CLIC5: variants seen among roughly 807,000 people sequenced by gnomAD.
CLIC5 encodes the protein chloride intracellular channel protein 5.
A neutral mutation model predicts 24.7 loss-of-function variants in CLIC5; 20 were observed. The observed-to-expected ratio is 0.81, with a 90% CI of 0.57 to 1.18. CLIC5 has a LOEUF of 1.18. Ranked by LOEUF, CLIC5 falls within the 50% of genes most tolerant of loss-of-function variation. CLIC5 has a pLI of 0.00. For synonymous variants in CLIC5, 159 were observed against 135.6 expected, an observed-to-expected ratio of 1.17 and a Z score of -1.20; for missense variants, 341 against 326.1, an observed-to-expected ratio of 1.05 and a Z score of -0.35.
the CLIC5 span, among the ~76,000 whole-genome samples, chr6:46,111,040 G>T: frequency 6.6e-6 from 1 of 152,170 alleles, no homozygotes; most frequent in Non-Finnish European, 1.5e-5. Context: ...TTGTAGCCTT[G>T]TTGGTAGTTT....
intron 1 of CLIC5, among the ~76,000 whole-genome samples, chr6:45,976,695 T>A (rs1283682815): frequency 6.6e-6 from 1 of 152,224 alleles, no homozygotes. Flanking sequence ...CGTACTACAG[T>A]TTTGTCCTTC....
chr6:45,911,392 G>A (rs1762813098), intron 5 of CLIC5, among the ~76,000 whole-genome samples: 2 of 152,144 alleles, frequency 1.3e-5, no homozygotes, highest in South Asian at 4.1e-4. Context: ...ATGCCACCAC[G>A]ATATCTCCCC....
At chr6:45,896,526 T>C (rs951866208), downstream of CLIC5, among the ~76,000 whole-genome samples, 1 of 152,244 alleles carries the variant, frequency 6.6e-6, no homozygotes, top group African/African-American at 2.4e-5. Context: ...CTCTCCAGTC[T>C]AATACTCCAT....
chr6:45,931,652 G>A (rs1581755884), intron 4 of CLIC5, among the ~76,000 whole-genome samples: 2 of 152,242 alleles, frequency 1.3e-5, no homozygotes, highest in South Asian at 4.2e-4. Context: ...TTGTTTCTTA[G>A]AGGTTTGTTT....
At chr6:46,076,076 C>A (rs1762759084) in intron 1 of CLIC5, among the ~76,000 whole-genome samples, 2 of 152,198 alleles carry the variant, frequency 1.3e-5, no homozygotes. Flanking sequence ...CCAGCTACAG[C>A]CTGTTATAAA....
chr6:46,085,346 C>T (rs963454845), upstream of CLIC5, among the ~76,000 whole-genome samples: 19 of 152,222 alleles, frequency 1.2e-4, no homozygotes, highest in African/African-American at 1.9e-4. Flanking sequence ...GGAGGAGAGG[C>T]GCTCTGCTTT....
At chr6:45,912,687 G>A (rs1762863122) in intron 5 of CLIC5, 1 of 1,534,932 alleles carries the variant, frequency 6.5e-7, no homozygotes. Flanking sequence ...GTATCACTCT[G>A]ACACAGTGTG....
At chr6:46,026,202 A>C (rs770936918) in intron 1 of CLIC5, among the ~76,000 whole-genome samples, 1 of 152,140 alleles carries the variant, frequency 6.6e-6, no homozygotes. Flanking sequence ...TCTAGCCTGA[A>C]TTATTATTAT....
Position 45,984,521 on chromosome 6 carries a change from C to G in CLIC5, c.64-29277G>C, listed in dbSNP as rs1765668814. Among the ~76,000 whole-genome samples the G allele has an allele frequency of 2.0e-5, 3 of 152,160 alleles. No homozygotes were observed. The South Asian group carries it at 6.2e-4, about 32-fold the overall frequency. On this transcript the variant is annotated intron_variant, in intron 1 of 5. Coordinates refer to ENST00000339561, the MANE Select transcript of CLIC5 (RefSeq NM_016929.5). ...GACACTTGTACTAAGTGCCCCGCCT[C>G]CACAGTTTTGTTTTGAGGTTCTAGG...
chr6:46,072,247 A>G (rs1385807880), intron 1 of CLIC5, among the ~76,000 whole-genome samples: 2 of 151,900 alleles, frequency 1.3e-5, no homozygotes, highest in East Asian at 3.9e-4. Context: ...AAAAAAAAAA[A>G]AAAAGAAACA....
At chr6:45,969,455 C>A (rs1765123327) in intron 1 of CLIC5, among the ~76,000 whole-genome samples, 1 of 149,110 alleles carries the variant, frequency 6.7e-6, no homozygotes, top group Non-Finnish European at 1.5e-5. Flanking sequence ...CCGCCCCCAC[C>A]CCCTCCTGCT....
intron 5 of CLIC5, chr6:45,913,840 G>A (rs893805894): frequency 5.5e-5 from 68 of 1,229,986 alleles, no homozygotes; most frequent in Middle Eastern, 6.2e-4. Flanking sequence ...ATGCATATGA[G>A]GGCACATTTA....
chr6:45,969,248 G>T (rs1434371537), intron 1 of CLIC5, among the ~76,000 whole-genome samples: 1 of 152,164 alleles, frequency 6.6e-6, no homozygotes, highest in Non-Finnish European at 1.5e-5. Flanking sequence ...ATCTGCAGGG[G>T]AGGGGCCAGC....
chr6:46,124,897 G>A, the CLIC5 span, among the ~76,000 whole-genome samples: 2 of 152,198 alleles, frequency 1.3e-5, no homozygotes, highest in African/African-American at 4.8e-5. Flanking sequence ...ACACCAGTTA[G>A]AATGGCGATC....
At chr6:46,073,671 C>T (rs1762683968) in intron 1 of CLIC5, among the ~76,000 whole-genome samples, 2 of 152,196 alleles carry the variant, frequency 1.3e-5, no homozygotes, top group Non-Finnish European at 2.9e-5. Context: ...ATCCAAGCCC[C>T]TTAGTTTGCA....
At chr6:46,076,828 A>G (rs1286092410) in intron 1 of CLIC5, among the ~76,000 whole-genome samples, 1 of 152,146 alleles carries the variant, frequency 6.6e-6, no homozygotes, top group African/African-American at 2.4e-5. Context: ...TGTCTCTCCC[A>G]CTACAATGCA....
At chr6:45,934,805 G>A (rs918191180) in intron 4 of CLIC5, among the ~76,000 whole-genome samples, 1 of 152,214 alleles carries the variant, frequency 6.6e-6, no homozygotes, top group Non-Finnish European at 1.5e-5. Flanking sequence ...GTAATTCTTG[G>A]TAGGACATTA....
At chr6:45,996,190 C>T (rs1766132165) in intron 1 of CLIC5, among the ~76,000 whole-genome samples, 1 of 151,570 alleles carries the variant, frequency 6.6e-6, no homozygotes, top group Non-Finnish European at 1.5e-5. Flanking sequence ...ACGGAACTCA[C>T]TCTAGCTAAA....
chr6:45,937,874 C>T (rs1763994741), intron 4 of CLIC5, among the ~76,000 whole-genome samples: 1 of 152,074 alleles, frequency 6.6e-6, no homozygotes, highest in Admixed American at 6.5e-5. Context: ...CTGTAGCCAC[C>T]ACAGGAGTGG....
Sources: gnomAD v4.1 joint callset for allele counts (sites outside exome capture counted in the v4.1 genomes callset) on GRCh38, gnomAD v4.1.1 for gene constraint, MANE v1.5 for transcripts, NCBI Gene and HGNC (gene_info 2026-07-23, HGNC 2026-07-21) for gene names.